The following CEACAM19 variants were observed in gnomAD, a reference collection of about 807,000 sequenced individuals.
The protein encoded by CEACAM19 is CEA cell adhesion molecule 19.
A neutral mutation model predicts 37.6 loss-of-function variants in CEACAM19; 37 were observed. The observed-to-expected ratio is 0.98, with a 90% CI of 0.76 to 1.29. The LOEUF (loss-of-function observed/expected upper bound fraction) is 1.29. Among genes scored for constraint, CEACAM19 ranks in the 50% most tolerant of loss-of-function variants. CEACAM19 has a pLI of 0.00. For synonymous variants in CEACAM19, 140 were observed against 149.8 expected, an observed-to-expected ratio of 0.93 and a Z score of 0.48; for missense variants, 340 against 375.6, an observed-to-expected ratio of 0.91 and a Z score of 0.78.
In CEACAM19 at chr19:44,678,822, C is replaced by T. The variant is rs193089064; in HGVS notation, c.576-31C>T. The T allele has an allele frequency of 1.0e-5, 16 of 1,606,314 alleles. No individual in the cohort carries two copies. The East Asian group carries it at 3.4e-4, about 34-fold the overall frequency. ...GATATTCTACTGTCAATGCTTTATT[C>T]CAATTTTCTTCCCCTCTCTTTCCAC... On this transcript the variant is annotated intron_variant, in intron 3 of 7. Transcript: ENST00000358777.
rs754495072 is a variant in CEACAM19 at position 44,672,787 on chromosome 19, G to T, written c.247G>T (p.Gly83Trp). 2 of 1,585,764 alleles carry T rather than the reference G, an allele frequency of 1.3e-6. No homozygotes were observed. The highest frequency in any genetic ancestry group is 1.7e-6 in the Non-Finnish European group (2 of 1,165,012). The change falls in exon 2 of 8, where the codon GGG becomes TGG. Residue 83 changes from glycine to tryptophan, a missense_variant. Physicochemically the swap from Gly to Trp is radical, Grantham distance 184. Coordinates refer to ENST00000358777, the MANE Select transcript of CEACAM19 (RefSeq NM_001127893.3). The stretch of plus-strand genomic sequence containing the variant: ...CACGAGGCTATTTACCTACATCCCT[G>T]GGATACAACGGCCTCAGAGGGATGG... ...GGTRLFTYIP[G>W]IQRPQRDGSA...
At chr19:44,672,018 G>T in intron 1 of CEACAM19, 32 bp downstream of exon 1, 1 of 1,541,518 alleles carries the variant, frequency 6.5e-7, no homozygotes, top group East Asian at 2.3e-5. Context: ...AAGGCCAAGG[G>T]GAGAAATGGG....
upstream of CEACAM19, among the ~76,000 whole-genome samples, chr19:44,668,207 ATATT>A (rs900409075): frequency 8.2e-5 from 7 of 85,584 alleles, no homozygotes; most frequent in South Asian, 1.1e-3. Flanking sequence ...TATTATATAT[ATATT>A]TATATAATAT....
chr19:44,675,677 T>C (rs1291818034), intron 2 of CEACAM19, among the ~76,000 whole-genome samples: 3 of 152,002 alleles, frequency 2.0e-5, no homozygotes, highest in Non-Finnish European at 4.4e-5. Flanking sequence ...TCCCAGCTAC[T>C]TGGGGGACTG....
chr19:44,681,310 C>A lies in CEACAM19; in HGVS notation c.790C>A (p.Arg264=). The A allele has an allele frequency of 3.1e-6, 5 of 1,611,576 alleles. No homozygotes were observed. The highest frequency in any genetic ancestry group is 4.2e-6 in the Non-Finnish European group (5 of 1,178,008). The change falls in exon 6 of 8, where the codon CGG becomes AGG. Residue 264 remains arginine (R), a splice_region_variant and synonymous_variant. Transcript: ENST00000358777. ...TGACACAAGGTCCATAAACCCAGCCCGGGTGAGTCCCGTCCCCAGCCTCTC... is the reference window on the plus strand; with the variant it reads ...TGACACAAGGTCCATAAACCCAGCCAGGGTGAGTCCCGTCCCCAGCCTCTC... ...ISDTRSINPA[R]PLPTPPHLQA...
At chr19:44,680,232 T>C in intron 4 of CEACAM19, 56 bp from the exon 5 acceptor site, 1 of 1,438,286 alleles carries the variant, frequency 7.0e-7, no homozygotes. Flanking sequence ...TAAGTCTCTC[T>C]CCCCCCGCCT....
rs1973859836 is a variant in CEACAM19 at position 44,671,849 on chromosome 19, C to T, written c.-83C>T. The T allele has an allele frequency of 7.8e-7, 1 of 1,277,466 alleles. No homozygotes were observed. The highest frequency in any genetic ancestry group is 2.0e-5 in the Admixed American group (1 of 50,576). 79.1% of individuals were successfully genotyped at this position (1,277,466 alleles called of 1,614,324 possible). A position where few individuals can be genotyped will look rare whatever the true frequency, so the allele number is the denominator to read the frequency against. On this transcript the variant is annotated 5_prime_UTR_variant, in exon 1 of 8. Transcript: ENST00000358777. ...CCCCTGGGATCCCCACTGAGCTGGC[C>T]TACTTCAGACAGCCAGGGCCCACCC...
At chr19:44,670,770 C>A (rs1387647435), upstream of CEACAM19, among the ~76,000 whole-genome samples, 1 of 139,356 alleles carries the variant, frequency 7.2e-6, no homozygotes, top group African/African-American at 2.8e-5. Flanking sequence ...CAGAGCAAGA[C>A]CCTGTCTCAA....
At chr19:44,673,799 G>C (rs1475970749) in intron 2 of CEACAM19, 1 of 152,212 alleles carries the variant, frequency 6.6e-6, no homozygotes, top group Non-Finnish European at 1.5e-5. Flanking sequence ...GAGGTCATCA[G>C]GGAGACCTCA....
chr19:44,674,366 AC>A (rs1973909837), intron 2 of CEACAM19, among the ~76,000 whole-genome samples: 1 of 150,900 alleles, frequency 6.6e-6, no homozygotes, highest in Admixed American at 6.6e-5. Flanking sequence ...ACAGGGTCTT[AC>A]TGATATTGCT....
Position 44,678,978 on chromosome 19 carries a change from G to T in CEACAM19, c.659+42G>T, listed in dbSNP as rs779051140. On this transcript the variant is annotated intron_variant, in intron 4 of 7. Coordinates refer to ENST00000358777, the MANE Select transcript of CEACAM19 (RefSeq NM_001127893.3). ...ACTTATTTAGTGAACTAACAAACTT[G>T]CTATAGCGGTGTCAAGAGTACTTTT... 3 of 1,609,688 alleles carry T rather than the reference G, an allele frequency of 1.9e-6. No homozygotes were observed. The East Asian group carries it at 6.7e-5, about 36-fold the overall frequency.
intron 5 of CEACAM19, among the ~76,000 whole-genome samples, chr19:44,680,948 T>C (rs928185689): frequency 6.6e-6 from 1 of 151,844 alleles, no homozygotes; most frequent in South Asian, 2.1e-4. Flanking sequence ...AGGCACCCCG[T>C]CTTGGGCTCC....
At chr19:44,679,862 G>A (rs1381578720) in intron 4 of CEACAM19, among the ~76,000 whole-genome samples, 9 of 152,206 alleles carry the variant, frequency 5.9e-5, no homozygotes, top group Non-Finnish European at 5.9e-5. Flanking sequence ...CCCAGGAGGC[G>A]GAGGTTGCAG....
upstream of CEACAM19, among the ~76,000 whole-genome samples, chr19:44,668,561 C>CAA (rs1973794021): frequency 4.3e-5 from 1 of 23,218 alleles, no homozygotes; most frequent in Non-Finnish European, 6.9e-5. Context: ...TAATTATATA[C>CAA]ATATTATATA....
intron 7 of CEACAM19, chr19:44,682,844 A>G: frequency 2.0e-6 from 1 of 501,714 alleles, no homozygotes; most frequent in South Asian, 2.6e-5. Context: ...TGCAAAAGGG[A>G]TCCAAAACCT....
chr19:44,672,136 C>G, intron 1 of CEACAM19, 150 bp downstream of exon 1: 1 of 669,394 alleles, frequency 1.5e-6, no homozygotes, highest in Non-Finnish European at 2.6e-6. Flanking sequence ...AGCCTCATTG[C>G]CATTTTATCT....
At position 44,681,383 on chromosome 19, in the gene CEACAM19, T is replaced by G. The variant is rs781073396; in HGVS notation, c.792+71T>G. ...CGCCTCCTCTCTGAGCTGGCTGTGG[T>G]CCTCTGGGCCATCTTGACACCAGGT... is the stretch of plus-strand genomic sequence containing the variant. On this transcript the variant is annotated intron_variant, in intron 6 of 7. Transcript: ENST00000358777. The G allele has an allele frequency of 2.0e-4, 190 of 958,454 alleles. 1 individual carries two copies. The highest frequency in any genetic ancestry group is 2.7e-4 in the Non-Finnish European group (167 of 610,896). The allele number at this position is 958,454 out of a possible 1,614,324, so 59.4% of individuals were successfully genotyped here. A position where few individuals can be genotyped will look rare whatever the true frequency, so the allele number is the denominator to read the frequency against.
intron 4 of CEACAM19, among the ~76,000 whole-genome samples, chr19:44,680,012 T>C (rs1315464357): frequency 1.3e-5 from 2 of 151,716 alleles, no homozygotes; most frequent in East Asian, 1.9e-4. Flanking sequence ...ATAAGACAGG[T>C]GGATGAAGCA....
At chr19:44,680,528 T>C (rs1201895298) in intron 5 of CEACAM19, among the ~76,000 whole-genome samples, 194 bp downstream of exon 5, 1 of 151,652 alleles carries the variant, frequency 6.6e-6, no homozygotes, top group Non-Finnish European at 1.5e-5. Flanking sequence ...CTGCTTTTTC[T>C]CTTCTTCTCA....
Sources: allele counts gnomAD v4.1 joint callset (sites outside exome capture counted in the v4.1 genomes callset), GRCh38; gene constraint gnomAD v4.1.1; transcripts MANE v1.5; gene names NCBI Gene and HGNC (gene_info 2026-07-23, HGNC 2026-07-21).